Variants in CCDC102B observed in about 807,000 individuals in gnomAD.
CCDC102B encodes coiled-coil domain containing 102B.
In CCDC102B, 75 loss-of-function variants were observed where a neutral mutation model predicts 57.4. The observed-to-expected ratio is 1.31, with a 90% confidence interval of 1.08 to 1.58. CCDC102B has a LOEUF of 1.58. Ranked by LOEUF, CCDC102B falls within the 40% of genes most tolerant of loss-of-function variation. The probability of loss-of-function intolerance (pLI) is 0.00; values close to 1 mark genes in which losing one functional copy is unlikely to be tolerated. For synonymous variants in CCDC102B, 206 were observed against 201.9 expected (o/e 1.02, Z -0.17); for missense variants, 636 against 582.6 (o/e 1.09, Z -0.94).
intron 2 of CCDC102B, among the ~76,000 whole-genome samples, chr18:68,752,136 T>C (rs1194825473): frequency 6.6e-6 from 1 of 151,942 alleles, no homozygotes; most frequent in Non-Finnish European, 1.5e-5. Flanking sequence ...GGTGCATGCC[T>C]GTAATCCCAG....
chr18:68,855,694 C>A (rs930597305), intron 4 of CCDC102B, among the ~76,000 whole-genome samples: 5 of 152,216 alleles, frequency 3.3e-5, no homozygotes, highest in Middle Eastern at 3.4e-3. Flanking sequence ...CTGTTCTGGG[C>A]ATTTCATAAA....
chr18:68,955,316 T>C (rs2049814449), intron 6 of CCDC102B, among the ~76,000 whole-genome samples: 1 of 152,176 alleles, frequency 6.6e-6, no homozygotes, highest in South Asian at 2.1e-4. Context: ...TTACTTTCTA[T>C]ATGCATGCTA....
At chr18:68,933,606 TA>T (rs1260473272) in intron 6 of CCDC102B, among the ~76,000 whole-genome samples, 1 of 151,910 alleles carries the variant, frequency 6.6e-6, no homozygotes, top group Non-Finnish European at 1.5e-5. Context: ...ATAATTTCCT[TA>T]GATTGCTCGA....
At chr18:68,736,803 A>T (rs886641139) in intron 2 of CCDC102B, among the ~76,000 whole-genome samples, 2 of 152,150 alleles carry the variant, frequency 1.3e-5, no homozygotes, top group Non-Finnish European at 2.9e-5. Flanking sequence ...TCCCTCCCAC[A>T]ACAAGTGGGA....
chr18:68,776,580 C>T (rs558047324), intron 2 of CCDC102B, among the ~76,000 whole-genome samples: 30 of 152,244 alleles, frequency 2.0e-4, no homozygotes, highest in Middle Eastern at 6.8e-3. Context: ...AACAAAATCT[C>T]GCATGTTCTC....
intron 6 of CCDC102B, among the ~76,000 whole-genome samples, chr18:69,003,300 C>A (rs1453261338): frequency 6.6e-6 from 1 of 151,948 alleles, no homozygotes; most frequent in Non-Finnish European, 1.5e-5. Flanking sequence ...TTTAAATGAT[C>A]ATAACTTTTT....
chr18:68,737,446 CTTG>C (rs1256649497), intron 2 of CCDC102B, among the ~76,000 whole-genome samples: 1 of 25,014 alleles, frequency 4.0e-5, no homozygotes. Context: ...TTGACTGGCG[CTTG>C]TGGTGGTGGT....
chr18:69,002,176 A>G (rs1419718190), intron 6 of CCDC102B, among the ~76,000 whole-genome samples: 2 of 152,200 alleles, frequency 1.3e-5, no homozygotes, highest in African/African-American at 4.8e-5. Flanking sequence ...GGGTTGTGCT[A>G]TAGCAACAAT....
At chr18:68,962,551 C>G (rs1222536216) in intron 6 of CCDC102B, among the ~76,000 whole-genome samples, 1 of 151,892 alleles carries the variant, frequency 6.6e-6, no homozygotes, top group Admixed American at 6.6e-5. Context: ...ATCCATTATT[C>G]CATTTAATGT....
intron 2 of CCDC102B, among the ~76,000 whole-genome samples, chr18:68,772,048 T>C (rs551061042): frequency 6.6e-6 from 1 of 152,148 alleles, no homozygotes; most frequent in Non-Finnish European, 1.5e-5. Context: ...TTTCTACACA[T>C]TTCCAAGGTG....
intron 6 of CCDC102B, among the ~76,000 whole-genome samples, chr18:68,944,185 A>C (rs1162901180): frequency 6.6e-6 from 1 of 152,082 alleles, no homozygotes; most frequent in African/African-American, 2.4e-5. Flanking sequence ...TAAATCAAGA[A>C]GCCAAATGGA....
chr18:68,999,597 T>A (rs912880199), intron 6 of CCDC102B, among the ~76,000 whole-genome samples: 1 of 151,672 alleles, frequency 6.6e-6, no homozygotes. Flanking sequence ...CAGAGCAAGA[T>A]TCTGGTTTTG....
intron 6 of CCDC102B, among the ~76,000 whole-genome samples, chr18:68,945,277 CAG>C (rs1302114178): frequency 6.6e-6 from 1 of 152,054 alleles, no homozygotes; most frequent in Admixed American, 6.6e-5. Flanking sequence ...AAAAGACACT[CAG>C]TAACTACTGA....
At chr18:68,975,533 T>C (rs2050411337) in intron 6 of CCDC102B, among the ~76,000 whole-genome samples, 1 of 151,998 alleles carries the variant, frequency 6.6e-6, no homozygotes, top group African/African-American at 2.4e-5. Context: ...TCTGAGTCCT[T>C]TGAGGAATAC....
At chr18:69,014,471 T>C (rs998094304) in intron 7 of CCDC102B, among the ~76,000 whole-genome samples, 1 of 152,312 alleles carries the variant, frequency 6.6e-6, no homozygotes, top group Non-Finnish European at 1.5e-5. Flanking sequence ...ATGGTCAGTA[T>C]AGGTGCCCTT....
rs540730054 is a variant in CCDC102B, at chr18:69,016,144, T to A, written c.1434+5040T>A. Among the ~76,000 whole-genome samples, 11 of 151,904 alleles carry A rather than the reference T, an allele frequency of 7.2e-5. No homozygotes were observed. The South Asian group carries it at 2.3e-3, about 32-fold the overall frequency. On this transcript the variant is annotated intron_variant, in intron 7 of 7. Transcript: ENST00000360242. ...TTCCAAAGTGCTGGGATTACAGGCG[T>A]GAGCCACCGCGCCCGGCCAATTTAA...
intron 6 of CCDC102B, among the ~76,000 whole-genome samples, chr18:68,993,761 A>G (rs962900182): frequency 2.0e-5 from 3 of 152,206 alleles, no homozygotes; most frequent in African/African-American, 7.2e-5. Context: ...AAACTATGCC[A>G]TATAAAAATC....
At chr18:69,011,469 A>G (rs1442931689) in intron 7 of CCDC102B, among the ~76,000 whole-genome samples, 1 of 151,964 alleles carries the variant, frequency 6.6e-6, no homozygotes, top group African/African-American at 2.4e-5. Context: ...AGTGTGATAT[A>G]TCTTATTATT....
In CCDC102B at chr18:69,027,299, C is replaced by T. The variant is rs766258256; in HGVS notation, c.1434+16195C>T. Among the ~76,000 whole-genome samples, 6 of 152,200 alleles carry T rather than the reference C, an allele frequency of 3.9e-5. No individual in the cohort carries two copies. In the East Asian group the frequency reaches 7.7e-4, roughly 20 times the overall value. The stretch of plus-strand genomic sequence containing the variant: ...GGTGATTTTCATATTCATGATCTTA[C>T]GGCAACTCTGCTTCTTGACATTATT... On this transcript the variant is annotated intron_variant, in intron 7 of 7. Coordinates refer to ENST00000360242, the MANE Select transcript of CCDC102B (RefSeq NM_024781.3).
Sources: allele counts gnomAD v4.1 joint callset (sites outside exome capture counted in the v4.1 genomes callset), GRCh38; gene constraint gnomAD v4.1.1; transcripts MANE v1.5; gene names NCBI Gene and HGNC (gene_info 2026-07-23, HGNC 2026-07-21).